Variants in EXOC4 observed in about 807,000 individuals in gnomAD.
The protein encoded by EXOC4 is SEC8-like 1.
A neutral mutation model predicts 107.2 loss-of-function variants in EXOC4; 71 were observed. The ratio of observed to expected loss-of-function variants is 0.66; its 90% confidence interval spans 0.55 to 0.81. EXOC4 has a LOEUF of 0.81. EXOC4 is among the 30% of genes least tolerant of loss of function. The pLI, the probability that EXOC4 is intolerant of heterozygous loss-of-function variation, is 0.00. For synonymous variants in EXOC4, 456 were observed against 441.2 expected, an observed-to-expected ratio of 1.03 and a Z score of -0.42; for missense variants, 1,108 against 1,189.6, an observed-to-expected ratio of 0.93 and a Z score of 1.01.
chr7:133,665,571 A>C (rs1261710475), intron 10 of EXOC4, among the ~76,000 whole-genome samples: 22 of 152,108 alleles, frequency 1.4e-4, no homozygotes, highest in Admixed American at 1.4e-3. Flanking sequence ...ATTTTTTTAT[A>C]ATCTATTCAG....
chr7:133,584,574 G>GTTTTTTTTTTTTTTTTTTT lies in EXOC4; in HGVS notation c.1418-45461_1418-45460insTTTTTTTTTTTTTTTTTTT, dbSNP rs67568218. ...AGGCCTTTGTTTTTTACGTATTTCA[G>GTTTTTTTTTTTTTTTTTTT]TTTTTTTTTTGTTTTTTTTTTTGAG... On this transcript the variant is annotated intron_variant, in intron 9 of 17. Transcript: ENST00000253861. 7.1e-5 allele frequency among the ~76,000 whole-genome samples: 6 copies of GTTTTTTTTTTTTTTTTTTT among 84,814 alleles called. 1 individual carries two copies. The highest frequency in any genetic ancestry group is 8.4e-5 in the Non-Finnish European group (4 of 47,760). 55.6% of individuals were successfully genotyped at this position (84,814 alleles called of 152,430 possible).
chr7:133,682,513 A>G (rs1794209611), intron 10 of EXOC4, among the ~76,000 whole-genome samples: 2 of 152,170 alleles, frequency 1.3e-5, no homozygotes, highest in Non-Finnish European at 2.9e-5. Flanking sequence ...TGCAAATCCA[A>G]TTAAACCTCT....
At chr7:133,644,024 G>A (rs1802928223) in intron 10 of EXOC4, among the ~76,000 whole-genome samples, 1 of 152,152 alleles carries the variant, frequency 6.6e-6, no homozygotes, top group African/African-American at 2.4e-5. Flanking sequence ...TTCCTCAAGG[G>A]GACCCGGCCT....
intron 7 of EXOC4, among the ~76,000 whole-genome samples, chr7:133,471,021 C>T (rs1314788500): frequency 6.6e-6 from 1 of 152,266 alleles, no homozygotes; most frequent in East Asian, 1.9e-4. Context: ...TACTAGGCAT[C>T]TGATGTTTGT....
intron 12 of EXOC4, among the ~76,000 whole-genome samples, chr7:133,899,421 A>G (rs1315984438): frequency 6.6e-6 from 1 of 152,244 alleles, no homozygotes; most frequent in Non-Finnish European, 1.5e-5. Flanking sequence ...TGCATCTGCA[A>G]AGCAGACTGA....
Position 133,306,018 on chromosome 7 carries a change from A to G in EXOC4, c.613A>G (p.Thr205Ala). 6.2e-7 allele frequency: 1 copy of G among 1,613,646 alleles called. No homozygotes were observed. Among genetic ancestry groups the G allele is most frequent in the Non-Finnish European group, 8.5e-7 (1 of 1,179,790 alleles). ...ELHRHLYIKS[T>A]SRVVQRNKEK... ...ACACCGGCACCTGTACATCAAATCG[A>G]CTAGCCGAGTTGTGCAGCGTAACAA... The change falls in exon 4 of 18, where the codon ACT becomes GCT. Residue 205 changes from threonine (T) to alanine (A), a missense_variant. By Grantham distance (58) the Thr-to-Ala change is moderately conservative. Transcript: ENST00000253861.
chr7:134,082,561 C>T, the EXOC4 span, among the ~76,000 whole-genome samples: 1 of 152,214 alleles, frequency 6.6e-6, no homozygotes, highest in South Asian at 2.1e-4. Flanking sequence ...CTGCCTCAGC[C>T]TCCAGAGTAG....
intron 10 of EXOC4, among the ~76,000 whole-genome samples, chr7:133,645,899 A>G (rs1400904166): frequency 1.3e-5 from 2 of 152,232 alleles, no homozygotes; most frequent in Non-Finnish European, 2.9e-5. Context: ...GCTGAAGCAG[A>G]TAAAGAAGGT....
chr7:133,796,552 G>A (rs1174568818), intron 10 of EXOC4, among the ~76,000 whole-genome samples: 1 of 152,136 alleles, frequency 6.6e-6, no homozygotes, highest in Admixed American at 6.5e-5. Flanking sequence ...AAGGTCAAGA[G>A]ATCGAGACCA....
At chr7:133,421,077 T>A (rs1797593527) in intron 7 of EXOC4, among the ~76,000 whole-genome samples, 1 of 152,168 alleles carries the variant, frequency 6.6e-6, no homozygotes, top group South Asian at 2.1e-4. Context: ...GGAAAGACAT[T>A]GAACTATCCT....
intron 9 of EXOC4, among the ~76,000 whole-genome samples, chr7:133,503,583 C>T (rs1048700289): frequency 4.6e-5 from 7 of 152,160 alleles, no homozygotes; most frequent in Admixed American, 3.9e-4. Flanking sequence ...CAGTCAGAGG[C>T]TGAAGAGTTG....
intron 11 of EXOC4, among the ~76,000 whole-genome samples, chr7:133,847,541 T>A (rs1322324174): frequency 2.1e-5 from 3 of 139,764 alleles, no homozygotes; most frequent in Non-Finnish European, 3.0e-5. Context: ...CCAGCTATTT[T>A]TTTTTTTTTT....
chr7:133,265,417 A>G (rs1793703736), intron 1 of EXOC4, among the ~76,000 whole-genome samples: 1 of 151,836 alleles, frequency 6.6e-6, no homozygotes, highest in African/African-American at 2.4e-5. Flanking sequence ...AAAAAAAAAA[A>G]AATTCACTGG....
intron 9 of EXOC4, among the ~76,000 whole-genome samples, chr7:133,539,095 C>A (rs920426753): frequency 1.3e-5 from 2 of 152,000 alleles, no homozygotes; most frequent in African/African-American, 4.8e-5. Context: ...CTGTGGTATG[C>A]TTAAGCCTCT....
At chr7:133,529,428 G>A (rs1398540097) in intron 9 of EXOC4, among the ~76,000 whole-genome samples, 3 of 152,148 alleles carry the variant, frequency 2.0e-5, no homozygotes, top group Admixed American at 1.3e-4. Flanking sequence ...ATACTTATCA[G>A]GCGAGGGAAC....
In EXOC4 at chr7:133,679,894, G is replaced by A. The variant is rs571828000; in HGVS notation, c.1514+49753G>A. 2.0e-5 allele frequency among the ~76,000 whole-genome samples: 3 copies of A among 152,300 alleles called. No individual in the cohort carries two copies. The East Asian group carries it at 5.8e-4, about 29-fold the overall frequency. ...AATTATGAGAGTAAGTGGAAAAGAAGGTTTAGAGTGGCTAACAAATGATAC... is the reference window on the plus strand; with the variant it reads ...AATTATGAGAGTAAGTGGAAAAGAAAGTTTAGAGTGGCTAACAAATGATAC... On this transcript the variant is annotated intron_variant, in intron 10 of 17. Coordinates refer to ENST00000253861, the MANE Select transcript of EXOC4 (RefSeq NM_021807.4).
At chr7:134,056,555 A>T (rs927458850) in intron 17 of EXOC4, among the ~76,000 whole-genome samples, 7 of 152,240 alleles carry the variant, frequency 4.6e-5, no homozygotes, top group African/African-American at 1.7e-4. Flanking sequence ...TAATGGACTG[A>T]ATAATTATTC....
intron 9 of EXOC4, among the ~76,000 whole-genome samples, chr7:133,629,530 T>TTTTGTTTGTTTG (rs10699272): frequency 0.022 from 3,355 of 149,826 alleles, 55 homozygotes; most frequent in East Asian, 0.059. Context: ...TTTTGTTTTG[T>TTTTGTTTGTTTG]TTTGTTTGTT....
At chr7:133,457,202 T>A (rs1333342160) in intron 7 of EXOC4, among the ~76,000 whole-genome samples, 1 of 152,198 alleles carries the variant, frequency 6.6e-6, no homozygotes, top group Non-Finnish European at 1.5e-5. Flanking sequence ...GATGTTGGAA[T>A]GAGCTTACTT....
Sources: allele counts gnomAD v4.1 joint callset (sites outside exome capture counted in the v4.1 genomes callset), GRCh38; gene constraint gnomAD v4.1.1; transcripts MANE v1.5; gene names NCBI Gene and HGNC (gene_info 2026-07-23, HGNC 2026-07-21).